Variants in PRKG1 observed in about 807,000 individuals in gnomAD.
The protein encoded by PRKG1 is cGMP-dependent protein kinase 1.
In PRKG1, 35 loss-of-function variants were observed where a neutral mutation model predicts 88.1. The ratio of observed to expected loss-of-function variants is 0.40; its 90% confidence interval spans 0.30 to 0.53. The LOEUF is 0.53. PRKG1 is among the 20% of genes least tolerant of loss of function. The probability of loss-of-function intolerance (pLI) is 0.59; values close to 1 mark genes in which losing one functional copy is unlikely to be tolerated. For missense variants in PRKG1, 540 were observed against 839.8 expected, an observed-to-expected ratio of 0.64 and a Z score of 4.41; for synonymous variants, 303 against 292.5, an observed-to-expected ratio of 1.04 and a Z score of -0.37.
chr10:51,554,728 G>A (rs985004106), intron 3 of PRKG1, among the ~76,000 whole-genome samples: 1 of 151,688 alleles, frequency 6.6e-6, no homozygotes, highest in Non-Finnish European at 1.5e-5. Context: ...CTCACTGTGT[G>A]CTAGGTGCCC....
intron 5 of PRKG1, among the ~76,000 whole-genome samples, chr10:51,931,649 A>C (rs181586991): frequency 2.2e-4 from 34 of 152,292 alleles, no homozygotes; most frequent in Admixed American, 2.1e-3. Flanking sequence ...CACCATTCTT[A>C]TAGGAAAGGA....
chr10:51,840,242 A>G (rs1250691444), intron 4 of PRKG1, among the ~76,000 whole-genome samples: 2 of 152,134 alleles, frequency 1.3e-5, no homozygotes, highest in African/African-American at 2.4e-5. Context: ...GCATCTGTGG[A>G]TGATGTTAAG....
At chr10:52,131,252 C>G (rs1185192397) in intron 7 of PRKG1, among the ~76,000 whole-genome samples, 1 of 152,048 alleles carries the variant, frequency 6.6e-6, no homozygotes, top group Non-Finnish European at 1.5e-5. Flanking sequence ...TGGTCCCGGC[C>G]CTCATAGGGT....
intron 1 of PRKG1, among the ~76,000 whole-genome samples, chr10:51,097,672 G>A (rs1053691774): frequency 2.6e-5 from 4 of 152,050 alleles, no homozygotes; most frequent in African/African-American, 9.7e-5. Flanking sequence ...CTTCCAACAA[G>A]GATTGCAGTG....
intron 1 of PRKG1, among the ~76,000 whole-genome samples, chr10:51,066,707 T>C (rs1259307185): frequency 6.6e-6 from 1 of 152,164 alleles, no homozygotes; most frequent in Non-Finnish European, 1.5e-5. Context: ...GTATTTACTG[T>C]ATATTTATTT....
chr10:51,392,763 G>A (rs541666741), intron 2 of PRKG1, among the ~76,000 whole-genome samples: 2,654 of 137,224 alleles, frequency 0.019, 49 homozygotes, highest in African/African-American at 0.064. Context: ...GCGGGGGGCT[G>A]ACCACCCCCA....
At chr10:51,310,647 G>T (rs913575281) in intron 2 of PRKG1, among the ~76,000 whole-genome samples, 1 of 151,906 alleles carries the variant, frequency 6.6e-6, no homozygotes, top group African/African-American at 2.4e-5. Flanking sequence ...TTCCTGTTTA[G>T]CCTTCAGTGT....
chr10:51,367,625 CT>C (rs1842617440), intron 2 of PRKG1, among the ~76,000 whole-genome samples: 1 of 151,766 alleles, frequency 6.6e-6, no homozygotes, highest in Non-Finnish European at 1.5e-5. Context: ...TTTTAAAGTC[CT>C]TTGATTTGCT....
At chr10:52,102,101 G>A (rs1192673313) in intron 7 of PRKG1, among the ~76,000 whole-genome samples, 2 of 152,124 alleles carry the variant, frequency 1.3e-5, no homozygotes, top group Non-Finnish European at 2.9e-5. Flanking sequence ...CCCCTTTTCT[G>A]GATTGGTTCC....
In PRKG1 at chr10:51,891,902, C is replaced by T. The variant is rs537221050; in HGVS notation, c.699-15605C>T. ...TACAAGAACTTTGCCTTTGTAAATGCGTCTGTGAAGAATCTGGAGTGAGCA... is the reference window on the plus strand; with the variant it reads ...TACAAGAACTTTGCCTTTGTAAATGTGTCTGTGAAGAATCTGGAGTGAGCA... On this transcript the variant is annotated intron_variant, in intron 4 of 17. Transcript: ENST00000373980. Among the ~76,000 whole-genome samples the T allele has an allele frequency of 5.2e-4, 79 of 152,148 alleles. 1 individual carries two copies. Among genetic ancestry groups the T allele is most frequent in the Non-Finnish European group, 6.8e-4 (46 of 67,990 alleles).
chr10:51,674,689 A>T (rs1203435086), intron 3 of PRKG1, among the ~76,000 whole-genome samples: 2 of 152,212 alleles, frequency 1.3e-5, no homozygotes, highest in African/African-American at 4.8e-5. Flanking sequence ...GTTAGATTTC[A>T]ACTCAATGTA....
At chr10:51,741,798 G>C (rs1403989212) in intron 3 of PRKG1, among the ~76,000 whole-genome samples, 1 of 152,098 alleles carries the variant, frequency 6.6e-6, no homozygotes, top group African/African-American at 2.4e-5. Context: ...TGTAACCCCA[G>C]AGTTTTCAGT....
intron 3 of PRKG1, among the ~76,000 whole-genome samples, chr10:51,710,364 G>A (rs187260587): frequency 9.8e-4 from 148 of 151,298 alleles, no homozygotes; most frequent in African/African-American, 3.4e-3. Flanking sequence ...CAAGATGAAA[G>A]ATTTTTTTTT....
At chr10:51,941,744 A>G (rs1330135436) in intron 5 of PRKG1, among the ~76,000 whole-genome samples, 1 of 151,614 alleles carries the variant, frequency 6.6e-6, no homozygotes, top group African/African-American at 2.4e-5. Flanking sequence ...GAGAATGATG[A>G]TTTCCAATTT....
At chr10:51,306,341 G>C (rs1459521984) in intron 2 of PRKG1, among the ~76,000 whole-genome samples, 1 of 152,146 alleles carries the variant, frequency 6.6e-6, no homozygotes, top group East Asian at 1.9e-4. Flanking sequence ...TCAAGAGTGA[G>C]ATTTGGGCTT....
At chr10:52,048,200 T>A (rs904309213) in intron 5 of PRKG1, among the ~76,000 whole-genome samples, 6 of 152,032 alleles carry the variant, frequency 3.9e-5, no homozygotes, top group Non-Finnish European at 7.4e-5. Flanking sequence ...TAAGCATAAC[T>A]CCAAACTTAA....
intron 5 of PRKG1, among the ~76,000 whole-genome samples, chr10:51,970,199 A>G (rs1247596636): frequency 6.6e-6 from 1 of 151,920 alleles, no homozygotes; most frequent in African/African-American, 2.4e-5. Context: ...AGCTTCAGTA[A>G]ACTTTAACAT....
intron 4 of PRKG1, among the ~76,000 whole-genome samples, chr10:51,842,678 G>GTGCATACTATATGTGTATATGTATA (rs1369719716): frequency 6.6e-6 from 1 of 152,078 alleles, no homozygotes; most frequent in Admixed American, 6.6e-5. Flanking sequence ...GTGTATGTAT[G>GTGCATACTATATGTGTATATGTATA]TGCATACTAT....
intron 3 of PRKG1, among the ~76,000 whole-genome samples, chr10:51,676,114 A>AC (rs1332411574): frequency 1.3e-5 from 2 of 152,000 alleles, no homozygotes; most frequent in African/African-American, 4.8e-5. Flanking sequence ...ATTAAAACAA[A>AC]AAAAAAAAGA....
Sources: gnomAD v4.1 joint callset for allele counts (sites outside exome capture counted in the v4.1 genomes callset) on GRCh38, gnomAD v4.1.1 for gene constraint, MANE v1.5 for transcripts, NCBI Gene and HGNC (gene_info 2026-07-23, HGNC 2026-07-21) for gene names.